EIF4ENIF1: variants seen among roughly 807,000 people sequenced by gnomAD.
The protein encoded by EIF4ENIF1 is eukaryotic translation initiation factor 4E nuclear import factor 1.
In EIF4ENIF1, 23 loss-of-function variants were observed where a neutral mutation model predicts 110.5. That is an observed-to-expected ratio of 0.21 (90% CI 0.15 to 0.29). The LOEUF (loss-of-function observed/expected upper bound fraction) is 0.29. EIF4ENIF1 is among the 10% of genes least tolerant of loss of function. The probability of loss-of-function intolerance (pLI) is 1.00; values close to 1 mark genes in which losing one functional copy is unlikely to be tolerated. For missense variants in EIF4ENIF1, 1,031 were observed against 1,221.1 expected, an observed-to-expected ratio of 0.84 and a Z score of 2.32; for synonymous variants, 440 against 437.0, an observed-to-expected ratio of 1.01 and a Z score of -0.09.
At chr22:31,471,815 G>A in intron 3 of EIF4ENIF1, 29 bp downstream of exon 3, 2 of 1,553,186 alleles carry the variant, frequency 1.3e-6, no homozygotes, top group African/African-American at 2.8e-5. Flanking sequence ...TTGACTAGAA[G>A]TAGTTAAGGA....
chr22:31,488,613 C>T lies in EIF4ENIF1; in HGVS notation c.96+10G>A, dbSNP rs371511707. 20 of 1,613,898 alleles carry T rather than the reference C, an allele frequency of 1.2e-5. No homozygotes were observed. The African/African-American group carries it at 2.4e-4, about 19-fold the overall frequency. ...AAAAGAAACACTATTTCATTAGTGG[C>T]AAACCTTACTTTTGTATAGCGATGG... On this transcript the variant is annotated intron_variant, in intron 2 of 18. Transcript: ENST00000330125.
intron 4 of EIF4ENIF1, 134 bp from the exon 5 acceptor site, chr22:31,464,101 G>T: frequency 9.0e-7 from 1 of 1,113,034 alleles, no homozygotes; most frequent in Non-Finnish European, 1.2e-6. Flanking sequence ...GGGCTTATCA[G>T]CAGATTCAGG....
intron 2 of EIF4ENIF1, among the ~76,000 whole-genome samples, chr22:31,473,892 C>T (rs903868232): frequency 3.3e-5 from 5 of 152,148 alleles, no homozygotes; most frequent in East Asian, 3.8e-4. Context: ...AAGTTAGCAT[C>T]CATTAATGAT....
chr22:31,455,935 C>T lies in EIF4ENIF1; in HGVS notation c.1016G>A (p.Arg339Lys), dbSNP rs1429899436. 2 of 1,614,146 alleles carry T rather than the reference C, an allele frequency of 1.2e-6. No individual in the cohort carries two copies. Among genetic ancestry groups the T allele is most frequent in the Admixed American group, 3.3e-5 (2 of 60,006 alleles). ...EGSVSASRFS[R>K]WFSNPSRSGS... ...TGATCTGCTCGGGTTAGAGAACCAC[C>T]TACTGAACCGACTGGCAGAGACTGA... Residue 339 changes from arginine (R) to lysine (K), a missense_variant, in exon 8 of 19, where the codon AGG becomes AAG. This residue lies in a region of EIF4ENIF1 where 704 missense variants were observed against 879.7 expected (regional missense o/e 0.80). Transcript: ENST00000330125.
intron 2 of EIF4ENIF1, among the ~76,000 whole-genome samples, chr22:31,487,281 G>A (rs2052068596): frequency 6.6e-6 from 1 of 152,190 alleles, no homozygotes; most frequent in African/African-American, 2.4e-5. Context: ...TACCAAAACA[G>A]ATCATCCTAA....
At position 31,445,960 on chromosome 22, in the gene EIF4ENIF1, C is replaced by T. The variant is rs540299403; in HGVS notation, c.1989-1270G>A. Among the ~76,000 whole-genome samples, 3 of 148,214 alleles carry T rather than the reference C, an allele frequency of 2.0e-5. 1 individual carries two copies. Among genetic ancestry groups the T allele is most frequent in the Admixed American group, 1.4e-4 (2 of 14,812 alleles). On this transcript the variant is annotated intron_variant, in intron 14 of 18. Transcript: ENST00000330125. ...AAAATGCAGTTACGTACCGCCCCCCCCCCCCATCTACCTCACAGGGTTGAT... is the reference window on the plus strand; with the variant it reads ...AAAATGCAGTTACGTACCGCCCCCCTCCCCCATCTACCTCACAGGGTTGAT...
At chr22:31,437,866 A>G (rs549231412), downstream of EIF4ENIF1, 4 of 152,358 alleles carry the variant, frequency 2.6e-5, no homozygotes, top group East Asian at 3.9e-4. Flanking sequence ...CAGAGGGTCT[A>G]TTTCTGAAGC....
Position 31,441,799 on chromosome 22 carries a change from C to A in EIF4ENIF1, c.2526G>T (p.Gln842His). ...QRMLAQGVHP[Q>H]HLPSLLQTGV... is the part of the protein sequence containing the mutation. ...CAGTTTGGAGCAAACTTGGAAGATGCTGTGGATGTACTCCCTGGGCCAGCA... is the reference window on the plus strand; with the variant it reads ...CAGTTTGGAGCAAACTTGGAAGATGATGTGGATGTACTCCCTGGGCCAGCA... Residue 842 changes from glutamine (Q) to histidine (H), a missense_variant, in exon 17 of 19, where the codon CAG (glutamine) becomes CAT (histidine). Transcript: ENST00000330125. 1 of 1,612,526 alleles carries A rather than the reference C, an allele frequency of 6.2e-7. No individual in the cohort carries two copies. Among genetic ancestry groups the A allele is most frequent in the Non-Finnish European group, 8.5e-7 (1 of 1,178,920 alleles).
chr22:31,440,535 T>C (rs1192600856), intron 18 of EIF4ENIF1, among the ~76,000 whole-genome samples, 169 bp downstream of exon 18: 1 of 152,224 alleles, frequency 6.6e-6, no homozygotes, highest in African/African-American at 2.4e-5. Context: ...TAATCCCAAA[T>C]TGCATAGAGG....
intron 10 of EIF4ENIF1, chr22:31,453,531 C>T (rs902552362): frequency 1.5e-5 from 3 of 203,272 alleles, no homozygotes; most frequent in African/African-American, 2.4e-5. Flanking sequence ...CATGCCCCCA[C>T]GCCTGGCTAA....
chr22:31,456,074 A>T, intron 7 of EIF4ENIF1, 87 bp from the exon 8 acceptor site: 1 of 1,394,840 alleles, frequency 7.2e-7, no homozygotes, highest in Non-Finnish European at 9.8e-7. Context: ...ACTTACTTTG[A>T]AACTTCCTTT....
At chr22:31,446,920 C>T in intron 14 of EIF4ENIF1, 1 of 442,388 alleles carries the variant, frequency 2.3e-6, no homozygotes, top group Admixed American at 3.0e-5. Context: ...TACTTGTTAA[C>T]AGCTCTGATC....
At chr22:31,489,499 GT>G (rs2052180624) in intron 1 of EIF4ENIF1, 194 bp downstream of exon 1, 1 of 149,196 alleles carries the variant, frequency 6.7e-6, no homozygotes, top group Non-Finnish European at 1.5e-5. Context: ...CGGCGGCTCG[GT>G]CCCCGCCAGC....
chr22:31,462,956 G>A lies in EIF4ENIF1; in HGVS notation c.763C>T (p.Arg255Ter). 1 of 1,613,900 alleles carries A rather than the reference G, an allele frequency of 6.2e-7. No homozygotes were observed. The highest frequency in any genetic ancestry group is 8.5e-7 in the Non-Finnish European group (1 of 1,179,960). The change falls in exon 6 of 19, where the codon CGA (arginine) becomes TGA (stop). Residue 255 changes from arginine (R) to a stop codon, truncating the protein, a stop_gained. Transcript: ENST00000330125. LOFTEE classifies it high-confidence loss of function. Reference protein sequence around the residue: ...EDHKGRKRTRRRTASVKEGIV... With the variant: ...EDHKGRKRTR Reference sequence around the variant, plus strand: ...CCTTCCTTCACAGAGGCTGTCCGTCGCCTTGTTCTTTTTCTCCCTTTGTGA... The same window carrying A: ...CCTTCCTTCACAGAGGCTGTCCGTCACCTTGTTCTTTTTCTCCCTTTGTGA...
In EIF4ENIF1 at chr22:31,447,490, T is replaced by C. The variant is rs139234917; in HGVS notation, c.1924A>G (p.Asn642Asp). Residue 642 changes from asparagine (N) to aspartate (D), a missense_variant, in exon 14 of 19, where the codon AAC becomes GAC. Around this residue, in one of 3 missense-constraint regions of EIF4ENIF1, gnomAD observed 704 missense variants for 879.7 expected, o/e 0.80. Coordinates refer to ENST00000330125, the MANE Select transcript of EIF4ENIF1 (RefSeq NM_019843.4). ...TTGCCAAAACCAGGCTGGTAGAAGT[T>C]TGCTGCCTGTACAGCAAGGTCATGT... The part of the protein sequence containing the change: ...LPHDLAVQAA[N>D]FYQPGFGKPQ... 6.2e-7 allele frequency: 1 copy of C among 1,613,196 alleles called. No individual in the cohort carries two copies. The highest frequency in any genetic ancestry group is 1.7e-5 in the Admixed American group (1 of 59,860).
At chr22:31,477,551 G>A (rs1040503560) in intron 2 of EIF4ENIF1, among the ~76,000 whole-genome samples, 5 of 151,990 alleles carry the variant, frequency 3.3e-5, no homozygotes, top group East Asian at 1.9e-4. Flanking sequence ...TCCAGTTTTC[G>A]TTGTTGACTT....
intron 2 of EIF4ENIF1, among the ~76,000 whole-genome samples, chr22:31,478,896 G>A (rs1601642978): frequency 6.7e-6 from 1 of 149,544 alleles, no homozygotes; most frequent in Non-Finnish European, 1.5e-5. Context: ...AGCTTGCAGT[G>A]AGCTGAGATC....
At chr22:31,456,425 G>A (rs377766768) in intron 7 of EIF4ENIF1, among the ~76,000 whole-genome samples, 2,391 of 151,728 alleles carry the variant, frequency 0.016, 32 homozygotes, top group Non-Finnish European at 0.025. Flanking sequence ...GGGTTTTACC[G>A]TGTTAGCCAG....
At chr22:31,454,731 T>C (rs886393540) in intron 9 of EIF4ENIF1, among the ~76,000 whole-genome samples, 2 of 152,156 alleles carry the variant, frequency 1.3e-5, no homozygotes, top group Non-Finnish European at 2.9e-5. Context: ...ATTGCCAAGA[T>C]TGCTGCCTGC....
Sources: gnomAD v4.1 joint callset for allele counts (sites outside exome capture counted in the v4.1 genomes callset) on GRCh38, gnomAD v4.1.1 for gene constraint, gnomAD v4.1.1 regional missense constraint, MANE v1.5 for transcripts, NCBI Gene and HGNC (gene_info 2026-07-23, HGNC 2026-07-21) for gene names.